DPP10: variants seen among roughly 807,000 people sequenced by gnomAD.
The protein encoded by DPP10 is dipeptidyl peptidase like 10.
Under a neutral mutation model 120.9 loss-of-function variants are expected in DPP10, and 33 were observed. The ratio of observed to expected loss-of-function variants is 0.27; its 90% CI spans 0.21 to 0.37. The LOEUF is 0.37. Ranked by LOEUF, DPP10 falls within the 10% of genes least tolerant of loss-of-function variation. The probability of loss-of-function intolerance (pLI) is 1.00; values close to 1 mark genes in which losing one functional copy is unlikely to be tolerated. For synonymous variants in DPP10, 337 were observed against 326.1 expected (o/e 1.03, Z -0.36); for missense variants, 816 against 942.8 (o/e 0.87, Z 1.76).
intron 1 of DPP10, among the ~76,000 whole-genome samples, chr2:115,067,358 T>A (rs1230344381): frequency 6.6e-6 from 1 of 151,512 alleles, no homozygotes; most frequent in Non-Finnish European, 1.5e-5. Context: ...TTCCCGCCAT[T>A]CTCCTGCCTC....
intron 1 of DPP10, among the ~76,000 whole-genome samples, chr2:114,460,942 G>A (rs908007418): frequency 2.6e-5 from 4 of 152,188 alleles, no homozygotes; most frequent in African/African-American, 4.8e-5. Flanking sequence ...CATGGCAAAT[G>A]TGAGTTTAAT....
chr2:115,457,423 G>A (rs1307121498), intron 3 of DPP10, among the ~76,000 whole-genome samples: 1 of 152,080 alleles, frequency 6.6e-6, no homozygotes. Context: ...TTATTGCTAA[G>A]AGAATGAAAA....
intron 17 of DPP10, 135 bp downstream of exon 17, chr2:115,782,534 C>A: frequency 1.3e-6 from 1 of 746,286 alleles, no homozygotes; most frequent in Non-Finnish European, 2.3e-6. Context: ...TGCGTGTATA[C>A]CATCAACTTG....
chr2:115,227,953 A>G (rs2057523760), intron 1 of DPP10, among the ~76,000 whole-genome samples: 1 of 138,878 alleles, frequency 7.2e-6, no homozygotes, highest in Non-Finnish European at 1.5e-5. Context: ...ACAGGGTGGT[A>G]GTCTGTCACC....
chr2:115,820,951 A>G (rs761451726), intron 21 of DPP10, among the ~76,000 whole-genome samples: 4 of 152,142 alleles, frequency 2.6e-5, no homozygotes, highest in African/African-American at 4.8e-5. Context: ...TCTTTTTCAT[A>G]TAATGACTTC....
intron 1 of DPP10, among the ~76,000 whole-genome samples, chr2:115,271,565 A>G (rs1428957544): frequency 6.6e-6 from 1 of 152,178 alleles, no homozygotes; most frequent in African/African-American, 2.4e-5. Flanking sequence ...TAAGTAGTAG[A>G]GATACTAGGT....
chr2:114,569,429 C>T (rs532461133), intron 1 of DPP10, among the ~76,000 whole-genome samples: 10 of 151,156 alleles, frequency 6.6e-5, no homozygotes, highest in East Asian at 3.9e-4. Context: ...CCATAAGAGA[C>T]GCTCTGAACA....
At chr2:115,672,410 A>C (rs909225005) in intron 5 of DPP10, among the ~76,000 whole-genome samples, 19 of 152,292 alleles carry the variant, frequency 1.2e-4, no homozygotes, top group African/African-American at 4.6e-4. Flanking sequence ...ATTTCTAGAT[A>C]GTTAGAACAT....
Position 115,104,194 on chromosome 2 carries a change from T to TC in DPP10, c.61-205045_61-205044insC, listed in dbSNP as rs1553489018. On this transcript the variant is annotated intron_variant, in intron 1 of 25. Transcript: ENST00000410059. ...TCTTTTTTTTTTTTTTTTTTTTTTT[T>TC]GTAAGAGACAGGGTCTTGCTCTGTT... is the stretch of plus-strand genomic sequence containing the variant. Among the ~76,000 whole-genome samples the TC allele has an allele frequency of 5.2e-4, 68 of 130,510 alleles. 1 individual carries two copies. The Admixed American group carries it at 5.5e-3, about 11-fold the overall frequency. The allele number at this position is 130,510 out of a possible 152,430, so 85.6% of individuals were successfully genotyped here.
At chr2:115,033,947 TAGTGC>T (rs1704040357) in intron 1 of DPP10, among the ~76,000 whole-genome samples, 1 of 144,724 alleles carries the variant, frequency 6.9e-6, no homozygotes, top group Non-Finnish European at 1.5e-5. Context: ...CACCAGGCTG[TAGTGC>T]AGTGGTGCAA....
chr2:115,735,525 ATTT>A (rs1029018823), intron 8 of DPP10, among the ~76,000 whole-genome samples: 1 of 142,094 alleles, frequency 7.0e-6, no homozygotes, highest in African/African-American at 2.6e-5. Flanking sequence ...ATCCTTTTCT[ATTT>A]TTTTTTTTCT....
chr2:114,442,667 C>A lies in DPP10; in HGVS notation c.-112C>A, dbSNP rs1450549753. 8.4e-7 allele frequency: 1 copy of A among 1,189,714 alleles called. No individual in the cohort carries two copies. 73.7% of individuals were successfully genotyped at this position (1,189,714 alleles called of 1,614,324 possible). ...GAAGCAGCAGAAGCAACAGCAGTAG[C>A]AGCGGCAGCAGCAACAGCAGCAGCC... On this transcript the variant is annotated 5_prime_UTR_variant, in exon 1 of 26. Transcript: ENST00000410059.
At chr2:115,035,723 T>C (rs958179502) in intron 1 of DPP10, among the ~76,000 whole-genome samples, 1 of 152,232 alleles carries the variant, frequency 6.6e-6, no homozygotes, top group Non-Finnish European at 1.5e-5. Context: ...TCATTTTCCT[T>C]ACCTGTAAAA....
chr2:115,770,013 T>G (rs1422100220), intron 13 of DPP10, among the ~76,000 whole-genome samples: 2 of 152,088 alleles, frequency 1.3e-5, no homozygotes, highest in South Asian at 2.1e-4. Context: ...TAAGAGATAG[T>G]GAAGGATAGG....
chr2:115,381,426 G>A (rs897806443), intron 3 of DPP10, among the ~76,000 whole-genome samples: 2 of 152,012 alleles, frequency 1.3e-5, no homozygotes, highest in African/African-American at 4.8e-5. Flanking sequence ...GCACTTCTCT[G>A]TATTGGTTAT....
At chr2:115,801,342 C>T (rs567767666) in intron 19 of DPP10, among the ~76,000 whole-genome samples, 38 of 152,244 alleles carry the variant, frequency 2.5e-4, no homozygotes, top group East Asian at 2.3e-3. Context: ...TGGCCTGAGA[C>T]GATGGGGTTT....
chr2:115,279,328 G>T (rs1166324864), intron 1 of DPP10, among the ~76,000 whole-genome samples: 1 of 152,094 alleles, frequency 6.6e-6, no homozygotes, highest in Admixed American at 6.5e-5. Context: ...TTACTATGTG[G>T]AATGGACAGG....
intron 1 of DPP10, among the ~76,000 whole-genome samples, chr2:114,754,046 T>C (rs1199495298): frequency 6.6e-6 from 1 of 152,158 alleles, no homozygotes; most frequent in Non-Finnish European, 1.5e-5. Flanking sequence ...TGATTAGTAG[T>C]TGCTTAGTTT....
At chr2:115,149,971 G>A (rs558256418) in intron 1 of DPP10, among the ~76,000 whole-genome samples, 2 of 152,292 alleles carry the variant, frequency 1.3e-5, no homozygotes, top group Non-Finnish European at 2.9e-5. Context: ...GTGCAAGAGA[G>A]TTATTGGAGA....
Sources: gnomAD v4.1 joint callset for allele counts (sites outside exome capture counted in the v4.1 genomes callset) on GRCh38, gnomAD v4.1.1 for gene constraint, MANE v1.5 for transcripts, NCBI Gene and HGNC (gene_info 2026-07-23, HGNC 2026-07-21) for gene names.